C16orf96: variants seen among roughly 807,000 people sequenced by gnomAD.
C16orf96 encodes the protein chromosome 16 open reading frame 96, also known as uncharacterized protein C16orf96.
A neutral mutation model predicts 103.6 loss-of-function variants in C16orf96; 108 were observed. That is an observed-to-expected ratio of 1.04 (90% CI 0.89 to 1.22). C16orf96 has a LOEUF of 1.22. C16orf96 is among the 50% of genes most tolerant of loss of function. The pLI is 0.00. For missense variants in C16orf96, 1,586 were observed against 1,464.2 expected, an observed-to-expected ratio of 1.08 and a Z score of -1.36; for synonymous variants, 566 against 593.5, an observed-to-expected ratio of 0.95 and a Z score of 0.67.
chr16:4,574,677 C>T (rs1272051394), intron 2 of C16orf96, 32 bp from the exon 3 acceptor site: 1 of 1,528,708 alleles, frequency 6.5e-7, no homozygotes, highest in Non-Finnish European at 8.9e-7. Flanking sequence ...AGAACCTGGA[C>T]CCCCAGTCCA....
intron 5 of C16orf96, 135 bp downstream of exon 5, chr16:4,576,770 C>A: frequency 4.3e-6 from 4 of 933,010 alleles, no homozygotes; most frequent in South Asian, 1.8e-5. Context: ...TTTCCTTTGG[C>A]TTAAGCATTT....
Position 4,573,523 on chromosome 16 carries a change from T to A in C16orf96, c.526-1186T>A, listed in dbSNP as rs182001665. On this transcript the variant is annotated intron_variant, in intron 2 of 15. Transcript: ENST00000444310. ...ATCTCAGCATTTTGGGAGGCTGAGG[T>A]GGGCAGATCACAAGGTCAGGAGATC... Among the ~76,000 whole-genome samples the A allele has an allele frequency of 4.0e-3, 586 of 145,260 alleles. 1 individual carries two copies. Among genetic ancestry groups the A allele is most frequent in the Middle Eastern group, 0.034 (9 of 264 alleles).
chr16:4,556,971 G>C (rs1033811979), intron 1 of C16orf96, 62 bp downstream of exon 1: 16 of 1,453,128 alleles, frequency 1.1e-5, no homozygotes, highest in Admixed American at 5.5e-5. Flanking sequence ...CTCCTGGGAC[G>C]TCTTTTTTTT....
the C16orf96 span, among the ~76,000 whole-genome samples, chr16:4,541,454 A>G: frequency 6.6e-6 from 1 of 152,178 alleles, no homozygotes; most frequent in African/African-American, 2.4e-5. Flanking sequence ...CTCGCCTTCT[A>G]TCCCAGCCAC....
intron 1 of C16orf96, among the ~76,000 whole-genome samples, chr16:4,569,582 A>G (rs1250344616): frequency 6.6e-6 from 1 of 151,328 alleles, no homozygotes; most frequent in African/African-American, 2.4e-5. Flanking sequence ...GTGAAACCCC[A>G]TTAGCAGGGC....
intron 14 of C16orf96, among the ~76,000 whole-genome samples, chr16:4,597,931 G>T (rs1897207732): frequency 6.6e-6 from 1 of 152,158 alleles, no homozygotes. Flanking sequence ...CTGAAAAGTG[G>T]TAAGTCAAAC....
At chr16:4,540,290 G>A in the C16orf96 span, among the ~76,000 whole-genome samples, 10 of 152,198 alleles carry the variant, frequency 6.6e-5, no homozygotes, top group African/African-American at 1.9e-4. Flanking sequence ...CAGAGGAGGC[G>A]ATGCTGAGGC....
In C16orf96 at chr16:4,556,927, A is replaced by G; in HGVS notation, c.420+18A>G. 1 of 1,522,152 alleles carries G rather than the reference A, an allele frequency of 6.6e-7. No individual in the cohort carries two copies. The highest frequency in any genetic ancestry group is 8.9e-7 in the Non-Finnish European group (1 of 1,129,474). 94.3% of individuals were successfully genotyped at this position (1,522,152 alleles called of 1,614,324 possible). A position where few individuals can be genotyped will look rare whatever the true frequency, so the allele number is the denominator to read the frequency against. On this transcript the variant is annotated intron_variant, in intron 1 of 15. Coordinates refer to ENST00000444310, the MANE Select transcript of C16orf96 (RefSeq NM_001145011.2). ...TGGCCAAGGTACGCCCCCAGCCTCC[A>G]GACACTTCTTTTCCTCCCTTCACCA...
At position 4,594,383 on chromosome 16, in the gene C16orf96, G is replaced by A; in HGVS notation, c.2900G>A (p.Gly967Asp). 2 of 1,549,338 alleles carry A rather than the reference G, an allele frequency of 1.3e-6. No individual in the cohort carries two copies. The highest frequency in any genetic ancestry group is 1.7e-6 in the Non-Finnish European group (2 of 1,146,834). The change falls in exon 13 of 16, where the codon GGT (glycine) becomes GAT (aspartate). Residue 967 changes from glycine to aspartate, a missense_variant. Coordinates refer to ENST00000444310, the MANE Select transcript of C16orf96 (RefSeq NM_001145011.2). ...EQQWLQLQDL[G>D]IQEDCQQDWG... is the part of the protein sequence containing the mutation. Reference sequence around the variant, plus strand: ...CAGTGGCTGCAGCTCCAGGACCTCGGTATCCAGGAGGATTGTCAGCAGGAC... The same window carrying A: ...CAGTGGCTGCAGCTCCAGGACCTCGATATCCAGGAGGATTGTCAGCAGGAC...
chr16:4,596,122 C>T (rs531438116), intron 14 of C16orf96, among the ~76,000 whole-genome samples: 9 of 152,244 alleles, frequency 5.9e-5, no homozygotes, highest in Admixed American at 5.9e-4. Flanking sequence ...CCTGGGGTTG[C>T]CGAGACAAAT....
chr16:4,594,650 C>A lies in C16orf96; in HGVS notation c.3028-54C>A, dbSNP rs947640622. The A allele has an allele frequency of 4.5e-6, 7 of 1,545,054 alleles. No homozygotes were observed. In the East Asian group the frequency reaches 1.7e-4, roughly 38 times the overall value. On this transcript the variant is annotated intron_variant, in intron 13 of 15. Coordinates refer to ENST00000444310, the MANE Select transcript of C16orf96 (RefSeq NM_001145011.2). ...CTGGGCTTCTGCGTGTACCAAAGTT[C>A]GGGGGCAGATCGGGTCGGGGGCTCC...
At chr16:4,573,438 C>CAA (rs71139644) in intron 2 of C16orf96, among the ~76,000 whole-genome samples, 111 of 69,732 alleles carry the variant, frequency 1.6e-3, no homozygotes, top group East Asian at 4.8e-3. Context: ...GACTCCGTCT[C>CAA]AAAAAAAAAA....
chr16:4,588,287 T>C lies in C16orf96; in HGVS notation c.2548T>C (p.Trp850Arg). The change falls in exon 9 of 16, where the codon TGG (tryptophan) becomes CGG (arginine). Residue 850 changes from tryptophan (W) to arginine (R), a missense_variant. Coordinates refer to ENST00000444310, the MANE Select transcript of C16orf96 (RefSeq NM_001145011.2). The part of the protein sequence containing the change: ...LFKVTIHEDS[W>R]KKAMEELSKD... ...CAAGGTCACGATCCATGAGGACAGC[T>C]GGAAGAAGGCTATGGAGGAGCTCAG... The C allele has an allele frequency of 6.4e-7, 1 of 1,551,724 alleles. No individual in the cohort carries two copies.
In C16orf96 at chr16:4,575,163, C is replaced by T. The variant is rs76048912; in HGVS notation, c.694-11C>T. On this transcript the variant is annotated splice_polypyrimidine_tract_variant and intron_variant, in intron 4 of 15. Transcript: ENST00000444310. ...GAAGCCAGCAGAGCCCCTCTGCCCC[C>T]TCTTCTGCAGGAAATTGGTTCATCA... 3 of 1,545,322 alleles carry T rather than the reference C, an allele frequency of 1.9e-6. No homozygotes were observed. Among genetic ancestry groups the T allele is most frequent in the Non-Finnish European group, 2.6e-6 (3 of 1,146,358 alleles).
chr16:4,552,783 A>G (rs1326625304), upstream of C16orf96, among the ~76,000 whole-genome samples: 1 of 152,178 alleles, frequency 6.6e-6, no homozygotes, highest in African/African-American at 2.4e-5. Flanking sequence ...GCTCTGTCAG[A>G]GCAGATGAGA....
chr16:4,548,710 TA>T, the C16orf96 span, among the ~76,000 whole-genome samples: 1 of 151,996 alleles, frequency 6.6e-6, no homozygotes, highest in East Asian at 1.9e-4. Context: ...CCATCACTAC[TA>T]AAGATACAAA....
chr16:4,571,555 T>A lies in C16orf96; in HGVS notation c.421-6T>A. 6.4e-7 allele frequency: 1 copy of A among 1,551,284 alleles called. No homozygotes were observed. The highest frequency in any genetic ancestry group is 8.7e-7 in the Non-Finnish European group (1 of 1,146,540). On this transcript the variant is annotated splice_region_variant and splice_polypyrimidine_tract_variant and intron_variant, in intron 1 of 15. Transcript: ENST00000444310. ...CGGCTTCACATTTTCTCCTCCTCTTTTGCAGTCAATGCAGACCCTGCAGGA... is the reference window on the plus strand; with the variant it reads ...CGGCTTCACATTTTCTCCTCCTCTTATGCAGTCAATGCAGACCCTGCAGGA...
intron 1 of C16orf96, among the ~76,000 whole-genome samples, chr16:4,569,429 T>C (rs1276841048): frequency 6.6e-6 from 1 of 152,154 alleles, no homozygotes; most frequent in Non-Finnish European, 1.5e-5. Flanking sequence ...CCTTCCCCAC[T>C]GCTCCCCACT....
At chr16:4,558,223 G>C (rs1051419229) in intron 1 of C16orf96, among the ~76,000 whole-genome samples, 1 of 152,230 alleles carries the variant, frequency 6.6e-6, no homozygotes, top group East Asian at 1.9e-4. Context: ...GCGCTGAGGC[G>C]TGGCCTCTGA....
Sources: allele counts gnomAD v4.1 joint callset (sites outside exome capture counted in the v4.1 genomes callset), GRCh38; gene constraint gnomAD v4.1.1; transcripts MANE v1.5; gene names NCBI Gene and HGNC (gene_info 2026-07-23, HGNC 2026-07-21).